SHROOM2: variants seen among roughly 807,000 people sequenced by gnomAD.
SHROOM2 encodes the protein protein Shroom2.
SHROOM2 carries 33 observed loss-of-function variants against 75.9 expected under a neutral mutation model. The ratio of observed to expected loss-of-function variants is 0.43; its 90% CI spans 0.33 to 0.58. The LOEUF (loss-of-function observed/expected upper bound fraction) is 0.58. Among genes scored for constraint, SHROOM2 ranks in the 20% least tolerant of loss-of-function variants. The probability of loss-of-function intolerance (pLI) is 0.04; values close to 1 mark genes in which losing one functional copy is unlikely to be tolerated. For missense variants in SHROOM2, 1,434 were observed against 1,461.2 expected, an observed-to-expected ratio of 0.98 and a Z score of 0.30; for synonymous variants, 655 against 663.6, an observed-to-expected ratio of 0.99 and a Z score of 0.20.
chrX:9,816,163 C>T (rs776505805), intron 1 of SHROOM2, among the ~76,000 whole-genome samples: 31 of 112,278 alleles, frequency 2.8e-4, no homozygotes, highest in African/African-American at 1.0e-3. Context: ...GAATGGACTG[C>T]GTTTTGTTCA....
At chrX:9,819,018 A>G (rs753369343) in intron 1 of SHROOM2, 8 of 1,015,078 alleles carry the variant, frequency 7.9e-6, no homozygotes, top group South Asian at 1.9e-5. Flanking sequence ...TTTGCCCTTT[A>G]TATTTTTCTT....
In SHROOM2 at chrX:9,932,772, G is replaced by T. The variant is rs140797565; in HGVS notation, c.3489G>T (p.Thr1163=). The T allele has an allele frequency of 2.5e-6, 3 of 1,210,187 alleles. No homozygotes were observed. Among genetic ancestry groups the T allele is most frequent in the Non-Finnish European group, 2.2e-6 (2 of 895,460 alleles). The change falls in exon 6 of 10, where the codon ACG becomes ACT. Residue 1163 remains threonine (T), a synonymous_variant. Coordinates refer to ENST00000380913, the MANE Select transcript of SHROOM2 (RefSeq NM_001649.4). ...PPKQQHLRLQ[T]ATMETSRSPS... is the part of the protein sequence containing the mutation. ...AGCAGCAGCACCTGCGCCTGCAGAC[G>T]GCCACCATGGAGACCTCGCGCTCCC...
chrX:9,827,642 A>T (rs1294327819), intron 1 of SHROOM2, among the ~76,000 whole-genome samples: 1 of 108,485 alleles, frequency 9.2e-6, no homozygotes. Context: ...GGGCCGAGGG[A>T]TTTTCAAGCA....
chrX:9,819,880 G>T (rs1392366858), intron 1 of SHROOM2, among the ~76,000 whole-genome samples: 1 of 104,226 alleles, frequency 9.6e-6, no homozygotes, highest in African/African-American at 3.5e-5. Flanking sequence ...TGCAACTTCC[G>T]CCACCTGGGT....
chrX:9,867,277 A>C, intron 1 of SHROOM2, among the ~76,000 whole-genome samples: 1 of 111,428 alleles, frequency 9.0e-6, no homozygotes. Flanking sequence ...AATAACTAAA[A>C]CAACAGTATT....
intron 5 of SHROOM2, among the ~76,000 whole-genome samples, chrX:9,918,350 T>C (rs1327538305): frequency 8.9e-6 from 1 of 112,628 alleles, no homozygotes; most frequent in East Asian, 2.8e-4. Context: ...AGACTTTTAT[T>C]GCTCACAGTT....
intron 1 of SHROOM2, among the ~76,000 whole-genome samples, chrX:9,863,815 G>C (rs2084118208): frequency 9.1e-6 from 1 of 110,221 alleles, no homozygotes; most frequent in South Asian, 3.9e-4. Context: ...TCAACTATGA[G>C]GAAAGGAATT....
intron 3 of SHROOM2, among the ~76,000 whole-genome samples, chrX:9,892,398 A>G (rs773887302): frequency 9.1e-6 from 1 of 109,515 alleles, no homozygotes; most frequent in Non-Finnish European, 1.9e-5. Context: ...AGCCCAGTGT[A>G]TTTTTTGGGG....
At chrX:9,804,197 C>T (rs2083739684) in intron 1 of SHROOM2, among the ~76,000 whole-genome samples, 1 of 111,588 alleles carries the variant, frequency 9.0e-6, no homozygotes, top group Non-Finnish European at 1.9e-5. Flanking sequence ...AGGAGCATGG[C>T]TCATGGTGCA....
intron 6 of SHROOM2, among the ~76,000 whole-genome samples, chrX:9,934,384 C>G (rs773004708): frequency 3.4e-4 from 38 of 111,162 alleles, no homozygotes; most frequent in Non-Finnish European, 6.2e-4. Flanking sequence ...TATCTCCAGC[C>G]GAGGCATTGT....
At chrX:9,792,574 A>C (rs2083672992) in intron 1 of SHROOM2, among the ~76,000 whole-genome samples, 1 of 109,086 alleles carries the variant, frequency 9.2e-6, no homozygotes, top group East Asian at 2.9e-4. Flanking sequence ...TTGGCTAGGA[A>C]GGGCTGGGAT....
At chrX:9,833,730 C>G (rs985408020) in intron 1 of SHROOM2, among the ~76,000 whole-genome samples, 1 of 110,097 alleles carries the variant, frequency 9.1e-6, no homozygotes, top group South Asian at 4.0e-4. Context: ...AGAAATACAG[C>G]CTAGACCATT....
At chrX:9,792,136 G>GAATAGAATAGAATAGAATAGAAT (rs2083665361) in intron 1 of SHROOM2, among the ~76,000 whole-genome samples, 1 of 24,640 alleles carries the variant, frequency 4.1e-5, no homozygotes, top group Non-Finnish European at 1.0e-4. Flanking sequence ...GAATAGAATA[G>GAATAGAATAGAATAGAATAGAAT]AATAGAATAG....
intron 5 of SHROOM2, among the ~76,000 whole-genome samples, chrX:9,921,264 C>T (rs754065594): frequency 1.8e-5 from 2 of 112,179 alleles, no homozygotes; most frequent in South Asian, 7.4e-4. Context: ...AGAAGTCACA[C>T]ATCGGCACTT....
chrX:9,798,891 A>G (rs2083708131), intron 1 of SHROOM2, among the ~76,000 whole-genome samples: 1 of 111,799 alleles, frequency 8.9e-6, no homozygotes, highest in Non-Finnish European at 1.9e-5. Context: ...TGGACTTGAA[A>G]AGATAGGCCT....
intron 8 of SHROOM2, among the ~76,000 whole-genome samples, chrX:9,943,166 C>T (rs1052208785): frequency 2.7e-5 from 3 of 109,869 alleles, no homozygotes; most frequent in Non-Finnish European, 5.7e-5. Context: ...GTCACTGCTG[C>T]AGTGAGTGGT....
intron 2 of SHROOM2, among the ~76,000 whole-genome samples, chrX:9,879,543 G>C (rs2084220134): frequency 8.9e-6 from 1 of 112,760 alleles, no homozygotes. Flanking sequence ...TTACAGGCGT[G>C]AGCCACTGCA....
chrX:9,869,986 G>A (rs2084162989), intron 1 of SHROOM2, among the ~76,000 whole-genome samples: 1 of 111,749 alleles, frequency 8.9e-6, no homozygotes, highest in South Asian at 3.7e-4. Flanking sequence ...GCGAGGCCAA[G>A]GCAAGTGGAT....
At chrX:9,819,448 T>C in intron 1 of SHROOM2, 1 of 339,415 alleles carries the variant, frequency 2.9e-6, no homozygotes, top group Admixed American at 4.1e-5. Context: ...TCTGATATGC[T>C]GGGGTTGACG....
Sources: gnomAD v4.1 joint callset for allele counts (sites outside exome capture counted in the v4.1 genomes callset) on GRCh38, gnomAD v4.1.1 for gene constraint, MANE v1.5 for transcripts, NCBI Gene and HGNC (gene_info 2026-07-23, HGNC 2026-07-21) for gene names.